The following LNX1 variants were observed in gnomAD, a reference collection of about 807,000 sequenced individuals.
LNX1 encodes the protein ligand of numb-protein X 1, also known as E3 ubiquitin-protein ligase LNX.
A neutral mutation model predicts 68.4 loss-of-function variants in LNX1; 54 were observed. The observed-to-expected ratio is 0.79, with a 90% CI of 0.63 to 0.99. The LOEUF (loss-of-function observed/expected upper bound fraction) is 0.99, where lower values mean the gene tolerates loss of function less well. Among genes scored for constraint, LNX1 ranks in the 50% least tolerant of loss-of-function variants. The pLI, the probability that LNX1 is intolerant of heterozygous loss-of-function variation, is 0.00. For missense variants in LNX1, 906 were observed against 926.4 expected (o/e 0.98, Z 0.29); for synonymous variants, 336 against 350.0 (o/e 0.96, Z 0.45).
chr4:53,541,381 A>G (rs192174069), intron 2 of LNX1, among the ~76,000 whole-genome samples: 4 of 152,350 alleles, frequency 2.6e-5, no homozygotes, highest in East Asian at 3.9e-4. Context: ...GTGAACAATT[A>G]GTGCCAAACT....
chr4:53,470,667 A>C (rs1723095536), intron 9 of LNX1, among the ~76,000 whole-genome samples: 1 of 152,206 alleles, frequency 6.6e-6, no homozygotes, highest in Non-Finnish European at 1.5e-5. Flanking sequence ...CAACGTGCAA[A>C]AATCACAAGC....
chr4:53,602,764 C>T (rs1361321927), intron 2 of LNX1: 2 of 152,230 alleles, frequency 1.3e-5, no homozygotes, highest in East Asian at 1.9e-4. Flanking sequence ...AGTCTGATCA[C>T]CTGGATTGGG....
chr4:53,512,828 T>C (rs1726453743), intron 2 of LNX1, among the ~76,000 whole-genome samples: 1 of 152,062 alleles, frequency 6.6e-6, no homozygotes, highest in Non-Finnish European at 1.5e-5. Flanking sequence ...TTCTGAAACT[T>C]TGCTTGAGGT....
intron 9 of LNX1, 74 bp from the exon 10 acceptor site, chr4:53,461,667 C>T (rs1722122244): frequency 3.4e-6 from 4 of 1,186,478 alleles, no homozygotes; most frequent in Non-Finnish European, 4.8e-6. Flanking sequence ...GTGACTCATC[C>T]TCCATTCCTT....
Position 53,459,301 on chromosome 4 carries a change from G to A in LNX1, c.*1606C>T. ...CCTTTTTTTTTTTTTTTTTTTTCCA[G>A]TAATAGTAGACGTCGCCATGAAAGT... On this transcript the variant is annotated 3_prime_UTR_variant, in exon 11 of 11. Coordinates refer to ENST00000263925, the MANE Select transcript of LNX1 (RefSeq NM_001126328.3). 3.4e-6 allele frequency: 3 copies of A among 886,506 alleles called. No individual in the cohort carries two copies. The highest frequency in any genetic ancestry group is 3.1e-6 in the Non-Finnish European group (2 of 638,542). 54.9% of individuals were successfully genotyped at this position (886,506 alleles called of 1,614,324 possible). A position where few individuals can be genotyped will look rare whatever the true frequency, so the allele number is the denominator to read the frequency against.
intron 4 of LNX1, among the ~76,000 whole-genome samples, chr4:53,503,056 G>A (rs1305485665): frequency 2.6e-5 from 4 of 151,764 alleles, no homozygotes; most frequent in Admixed American, 6.6e-5. Context: ...TCAGCCTCCC[G>A]GAATTTGGTC....
chr4:53,612,179 A>C (rs1246822129), intron 2 of LNX1, among the ~76,000 whole-genome samples: 3 of 152,248 alleles, frequency 2.0e-5, no homozygotes, highest in Admixed American at 1.3e-4. Flanking sequence ...ACAAACAATA[A>C]GATATGACTT....
chr4:53,521,729 A>C (rs1050119543), intron 2 of LNX1, among the ~76,000 whole-genome samples: 9 of 152,182 alleles, frequency 5.9e-5, no homozygotes, highest in African/African-American at 2.2e-4. Flanking sequence ...TCCTGTTTGC[A>C]GGAAATGCTA....
At chr4:53,528,190 T>C (rs1159134673) in intron 2 of LNX1, among the ~76,000 whole-genome samples, 4 of 152,230 alleles carry the variant, frequency 2.6e-5, no homozygotes, top group African/African-American at 9.6e-5. Context: ...CAATCAATCA[T>C]TGGGGGTCAT....
upstream of LNX1, among the ~76,000 whole-genome samples, chr4:53,618,614 T>G (rs1279881071): frequency 1.3e-5 from 2 of 152,168 alleles, no homozygotes; most frequent in Non-Finnish European, 2.9e-5. Context: ...ACTTTTCATG[T>G]TCTTTACAAA....
At position 53,485,341 on chromosome 4, in the gene LNX1, A is replaced by G. The variant is rs187192982; in HGVS notation, c.1351-3487T>C. Among the ~76,000 whole-genome samples, 10 of 152,360 alleles carry G rather than the reference A, an allele frequency of 6.6e-5. No individual in the cohort carries two copies. In the East Asian group the frequency reaches 1.9e-3, roughly 29 times the overall value. ...ATCATGTTCATTTTGGATGAGGAGTAGCCACATGATCTAAGCACCTCATAA... is the reference window on the plus strand; with the variant it reads ...ATCATGTTCATTTTGGATGAGGAGTGGCCACATGATCTAAGCACCTCATAA... On this transcript the variant is annotated intron_variant, in intron 6 of 10. Transcript: ENST00000263925.
At chr4:53,583,877 G>T (rs1731986278) in intron 1 of LNX1, among the ~76,000 whole-genome samples, 1 of 152,060 alleles carries the variant, frequency 6.6e-6, no homozygotes, top group African/African-American at 2.4e-5. Context: ...TAACAGAAAA[G>T]ATGTCCTTCC....
At chr4:53,610,378 A>G (rs1733430358) in intron 2 of LNX1, among the ~76,000 whole-genome samples, 1 of 152,162 alleles carries the variant, frequency 6.6e-6, no homozygotes, top group African/African-American at 2.4e-5. Context: ...GAACTTTATA[A>G]CATACTCTAG....
chr4:53,619,042 C>A (rs564612698), upstream of LNX1, among the ~76,000 whole-genome samples: 108 of 152,222 alleles, frequency 7.1e-4, no homozygotes, highest in Admixed American at 2.6e-3. Context: ...TGAGCCACTG[C>A]ACTCGACCTC....
chr4:53,623,557 C>T (rs1173823716), intron 1 of LNX1, among the ~76,000 whole-genome samples: 1 of 151,958 alleles, frequency 6.6e-6, no homozygotes, highest in South Asian at 2.1e-4. Context: ...TGATGCAAAC[C>T]ATAAGTTCTT....
chr4:53,583,794 G>A (rs993151977), intron 1 of LNX1, among the ~76,000 whole-genome samples: 1 of 152,152 alleles, frequency 6.6e-6, no homozygotes. Context: ...AGAGAAGAGT[G>A]TTCCTTCTCT....
chr4:53,623,030 T>C (rs1173576490), intron 1 of LNX1, among the ~76,000 whole-genome samples: 1 of 152,180 alleles, frequency 6.6e-6, no homozygotes, highest in Non-Finnish European at 1.5e-5. Context: ...TAAAGAGCTT[T>C]AATAACTTAA....
chr4:53,569,613 C>A (rs1730985368), intron 2 of LNX1, among the ~76,000 whole-genome samples: 1 of 150,630 alleles, frequency 6.6e-6, no homozygotes, highest in Non-Finnish European at 1.5e-5. Context: ...GCAAGGACTT[C>A]ATGTTTAAAA....
chr4:53,501,527 C>A (rs1725503684), intron 4 of LNX1, among the ~76,000 whole-genome samples: 1 of 152,156 alleles, frequency 6.6e-6, no homozygotes, highest in African/African-American at 2.4e-5. Context: ...TCAAGAGATC[C>A]TCTCACTTTG....
Sources: allele counts gnomAD v4.1 joint callset (sites outside exome capture counted in the v4.1 genomes callset), GRCh38; gene constraint gnomAD v4.1.1; transcripts MANE v1.5; gene names NCBI Gene and HGNC (gene_info 2026-07-23, HGNC 2026-07-21).